Variants in CHRM3 observed in about 807,000 individuals in gnomAD.
CHRM3 encodes muscarinic acetylcholine receptor M3.
In CHRM3, 11 loss-of-function variants were observed where a neutral mutation model predicts 41.8. The observed-to-expected ratio is 0.26, with a 90% CI of 0.17 to 0.44. The LOEUF is 0.44. Among genes scored for constraint, CHRM3 ranks in the 20% least tolerant of loss-of-function variants. The pLI is 1.00. For missense variants in CHRM3, 571 were observed against 745.4 expected, an observed-to-expected ratio of 0.77 and a Z score of 2.72; for synonymous variants, 297 against 301.4, an observed-to-expected ratio of 0.99 and a Z score of 0.15.
intron 1 of CHRM3, among the ~76,000 whole-genome samples, chr1:239,404,412 AAGAAAGAAAG>A (rs1558195760): frequency 4.8e-5 from 2 of 41,326 alleles, no homozygotes; most frequent in Admixed American, 3.1e-4. Context: ...AAGAAAGAAA[AAGAAAGAAAG>A]AAAGAAAGAA....
chr1:239,764,686 C>T (rs964172831), intron 5 of CHRM3, among the ~76,000 whole-genome samples: 5 of 152,244 alleles, frequency 3.3e-5, no homozygotes, highest in African/African-American at 1.2e-4. Flanking sequence ...ACAGGCAAAT[C>T]TCCAACTATG....
At chr1:239,464,435 G>A (rs138538215) in intron 1 of CHRM3, among the ~76,000 whole-genome samples, 5 of 152,098 alleles carry the variant, frequency 3.3e-5, no homozygotes, top group East Asian at 3.9e-4. Flanking sequence ...TACTTCCCGC[G>A]ACTGGGAATT....
chr1:239,915,421 A>T lies in CHRM3; in HGVS notation c.*6197A>T, dbSNP rs1572676142. ...AATATTATCCCCAAGTTAACAGTGA[A>T]ATAAGTAAATAAAACTATTATTGAA... On this transcript the variant is annotated 3_prime_UTR_variant, in exon 7 of 7. Coordinates refer to ENST00000676153, the MANE Select transcript of CHRM3 (RefSeq NM_001375978.1). 1 of 167,106 alleles carries T rather than the reference A, an allele frequency of 6.0e-6. No homozygotes were observed. 10.4% of individuals were successfully genotyped at this position (167,106 alleles called of 1,614,324 possible).
At chr1:239,722,398 C>G (rs975848897) in intron 5 of CHRM3, among the ~76,000 whole-genome samples, 6 of 151,862 alleles carry the variant, frequency 4.0e-5, no homozygotes, top group Admixed American at 3.9e-4. Context: ...GCTGTCTCCT[C>G]CCCACAAATA....
intron 1 of CHRM3, among the ~76,000 whole-genome samples, chr1:239,434,161 G>A (rs1663050446): frequency 6.6e-6 from 1 of 152,118 alleles, no homozygotes; most frequent in African/African-American, 2.4e-5. Flanking sequence ...AGTCTCATCA[G>A]ATTACTGCCT....
chr1:239,795,123 A>AT (rs902462139), intron 5 of CHRM3, among the ~76,000 whole-genome samples: 3 of 151,804 alleles, frequency 2.0e-5, no homozygotes, highest in Admixed American at 6.6e-5. Context: ...AAAACAATGT[A>AT]TTTTTTTTAA....
rs1269925276 is a variant in CHRM3, at chr1:239,502,759, A to T, written c.-422+9952A>T. 2.6e-5 allele frequency among the ~76,000 whole-genome samples: 4 copies of T among 151,988 alleles called. No individual in the cohort carries two copies. The South Asian group carries it at 6.2e-4, about 24-fold the overall frequency. On this transcript the variant is annotated intron_variant, in intron 2 of 6. Transcript: ENST00000676153. The stretch of plus-strand genomic sequence containing the variant: ...CCATGATCAAGTGGGTTTAACATAC[A>T]CAAGTCAATAACTGTGATACACCAC...
At chr1:239,706,671 T>C (rs1661206466) in intron 5 of CHRM3, among the ~76,000 whole-genome samples, 1 of 141,648 alleles carries the variant, frequency 7.1e-6, no homozygotes, top group Non-Finnish European at 1.5e-5. Flanking sequence ...CACACTTGCA[T>C]GTACACACAC....
intron 3 of CHRM3, among the ~76,000 whole-genome samples, chr1:239,617,977 T>C (rs749173833): frequency 1.3e-5 from 2 of 152,130 alleles, no homozygotes; most frequent in Admixed American, 1.3e-4. Context: ...AGTATCCTGC[T>C]CATCCTGTAT....
At position 239,648,608 on chromosome 1, in the gene CHRM3, G is replaced by T. The variant is rs1045770396; in HGVS notation, c.-250+16322G>T. Among the ~76,000 whole-genome samples, 19 of 152,250 alleles carry T rather than the reference G, an allele frequency of 1.2e-4. No individual in the cohort carries two copies. In the East Asian group the frequency reaches 3.7e-3, roughly 29 times the overall value. The stretch of plus-strand genomic sequence containing the variant: ...AATTCTGGAGAGGAGCGAGCAAAAG[G>T]GAATATGGTGATTTCAAGGATAAGC... On this transcript the variant is annotated intron_variant, in intron 4 of 6. Coordinates refer to ENST00000676153, the MANE Select transcript of CHRM3 (RefSeq NM_001375978.1).
chr1:239,700,419 A>T (rs1266656189), intron 5 of CHRM3, among the ~76,000 whole-genome samples: 2 of 152,178 alleles, frequency 1.3e-5, no homozygotes, highest in East Asian at 1.9e-4. Flanking sequence ...CCATTGGAAA[A>T]TTGCCCTAAA....
chr1:239,399,321 T>A (rs1404371348), intron 1 of CHRM3, among the ~76,000 whole-genome samples: 1 of 150,320 alleles, frequency 6.7e-6, no homozygotes, highest in East Asian at 1.9e-4. Flanking sequence ...AATTAATATA[T>A]CCATGACCTC....
intron 4 of CHRM3, among the ~76,000 whole-genome samples, chr1:239,649,413 T>G (rs1672039864): frequency 6.6e-6 from 1 of 152,194 alleles, no homozygotes; most frequent in African/African-American, 2.4e-5. Context: ...GTATTTTAAC[T>G]ACCCAGATGG....
At chr1:239,596,803 G>T (rs567809324) in intron 3 of CHRM3, among the ~76,000 whole-genome samples, 1 of 152,032 alleles carries the variant, frequency 6.6e-6, no homozygotes, top group Non-Finnish European at 1.5e-5. Context: ...GGATAAGGGG[G>T]CAGAAAAGTG....
At position 239,789,719 on chromosome 1, in the gene CHRM3, G is replaced by T. The variant is rs79970385; in HGVS notation, c.-146-37533G>T. Among the ~76,000 whole-genome samples, 156 of 152,252 alleles carry T rather than the reference G, an allele frequency of 1.0e-3. 1 individual carries two copies. Among genetic ancestry groups the T allele is most frequent in the Non-Finnish European group, 1.7e-3 (117 of 68,018 alleles). ...GGTAGGGCAATAATGTATTCATGAG[G>T]GGTCCACCCCTATGACCCAACCACC... On this transcript the variant is annotated intron_variant, in intron 5 of 6. Coordinates refer to ENST00000676153, the MANE Select transcript of CHRM3 (RefSeq NM_001375978.1).
chr1:239,621,619 C>G (rs1668370242), intron 3 of CHRM3, among the ~76,000 whole-genome samples: 1 of 152,178 alleles, frequency 6.6e-6, no homozygotes, highest in African/African-American at 2.4e-5. Context: ...CTAGAAGATC[C>G]AGCCAACCAC....
intron 6 of CHRM3, among the ~76,000 whole-genome samples, chr1:239,839,119 A>C (rs1304352): frequency 0.17 from 25,117 of 152,174 alleles, 4,553 homozygotes; most frequent in African/African-American, 0.45. Flanking sequence ...TTTTCCTCCA[A>C]ATGACTCCAT....
At chr1:239,530,687 A>G (rs980561378) in intron 2 of CHRM3, among the ~76,000 whole-genome samples, 5 of 152,200 alleles carry the variant, frequency 3.3e-5, no homozygotes, top group African/African-American at 1.2e-4. Context: ...GAAATTATGT[A>G]AAATAACAAA....
At chr1:239,575,882 T>C (rs900272731) in intron 3 of CHRM3, among the ~76,000 whole-genome samples, 35 of 152,122 alleles carry the variant, frequency 2.3e-4, no homozygotes, top group South Asian at 2.1e-4. Context: ...ACATTTCACA[T>C]TGCATGCAAA....
Sources: allele counts gnomAD v4.1 joint callset (sites outside exome capture counted in the v4.1 genomes callset), GRCh38; gene constraint gnomAD v4.1.1; transcripts MANE v1.5; gene names NCBI Gene and HGNC (gene_info 2026-07-23, HGNC 2026-07-21).